TMEM230: variants seen among roughly 807,000 people sequenced by gnomAD.
TMEM230 encodes UPF0414 transmembrane protein C20orf30.
In TMEM230, 10 loss-of-function variants were observed where a neutral mutation model predicts 15.8. The observed-to-expected ratio is 0.63, with a 90% CI of 0.39 to 1.07. The LOEUF (loss-of-function observed/expected upper bound fraction) is 1.07. TMEM230 is among the 50% of genes least tolerant of loss of function. The probability of loss-of-function intolerance (pLI) is 0.01; values close to 1 mark genes in which losing one functional copy is unlikely to be tolerated. For synonymous variants in TMEM230, 67 were observed against 76.9 expected (o/e 0.87, Z 0.68); for missense variants, 165 against 193.3 (o/e 0.85, Z 0.87).
chr20:5,092,715 CAAAAAAAAA>C lies in TMEM230; in HGVS notation c.222+13464_222+13472del, dbSNP rs749828640. ...GGGCAACAAGAGCAAAACTCCGTCT[CAAAAAAAAA>C]AAAAAAAAGAGAGAGAGAGAGAATG... On this transcript the variant is annotated intron_variant, in intron 3 of 3. Coordinates refer to the TMEM230 transcript ENST00000612323. Among the ~76,000 whole-genome samples, 177 of 53,072 alleles carry C rather than the reference CAAAAAAAAA, an allele frequency of 3.3e-3. 1 individual carries two copies. The highest frequency in any genetic ancestry group is 5.4e-3 in the Non-Finnish European group (141 of 25,890). The allele number at this position is 53,072 out of a possible 152,430, so 34.8% of individuals were successfully genotyped here.
chr20:5,086,985 C>T (rs942801207), intron 3 of TMEM230, among the ~76,000 whole-genome samples: 7 of 152,100 alleles, frequency 4.6e-5, no homozygotes, highest in Admixed American at 1.3e-4. Context: ...GCAATCATCC[C>T]GCCTCAGCCT....
intron 3 of TMEM230, among the ~76,000 whole-genome samples, chr20:5,083,354 T>C (rs1175045262): frequency 3.4e-5 from 5 of 149,142 alleles, no homozygotes; most frequent in Non-Finnish European, 5.9e-5. Flanking sequence ...AAAACAGTTC[T>C]CTCTCTCTAT....
downstream of TMEM230, among the ~76,000 whole-genome samples, chr20:5,098,207 T>G (rs866165583): frequency 6.6e-6 from 1 of 151,754 alleles, no homozygotes; most frequent in Non-Finnish European, 1.5e-5. Flanking sequence ...ACTCCCAAAC[T>G]CAGGTGATCC....
rs752029361 is a variant in TMEM230, at chr20:5,104,279, C to T, written c.411+1909G>A. Among the ~76,000 whole-genome samples, 7 of 152,166 alleles carry T rather than the reference C, an allele frequency of 4.6e-5. No homozygotes were observed. The East Asian group carries it at 1.2e-3, about 25-fold the overall frequency. ...CTCGCTATGTTGCGCAGGCTGGTCT[C>T]GAACTCCTGGGCTCAAGTGATCCTC... is the stretch of plus-strand genomic sequence containing the variant. On this transcript the variant is annotated intron_variant, in intron 4 of 4. Transcript: ENST00000342308.
At chr20:5,085,561 T>C (rs954324736) in intron 3 of TMEM230, among the ~76,000 whole-genome samples, 17 of 152,162 alleles carry the variant, frequency 1.1e-4, no homozygotes, top group African/African-American at 3.1e-4. Flanking sequence ...AGTGCTGAGA[T>C]TACAGTGAGC....
At chr20:5,109,595 T>C in intron 2 of TMEM230, 150 bp from the exon 2 acceptor site, 1 of 652,398 alleles carries the variant, frequency 1.5e-6, no homozygotes, top group South Asian at 1.7e-5. Context: ...CACTGCTAAA[T>C]TTTCATTGTG....
In TMEM230 at chr20:5,100,926, T is replaced by G; in HGVS notation, c.417A>C (p.Ala139=). 1.2e-6 allele frequency: 2 copies of G among 1,614,062 alleles called. No homozygotes were observed. The highest frequency in any genetic ancestry group is 1.7e-6 in the Non-Finnish European group (2 of 1,179,966). The stretch of plus-strand genomic sequence containing the variant: ...TGATCAGCACTGGAACGGCCCGGTC[T>G]GCCCCCTGGTGGCAGAAGGAGGCAA... The change falls in exon 5 of 5, where the codon GCA becomes GCC. Residue 139 remains alanine, a synonymous_variant. Coordinates refer to ENST00000342308, the MANE Select transcript of TMEM230 (RefSeq NM_001009923.2).
At chr20:5,064,641 G>C (rs370137029), downstream of TMEM230, among the ~76,000 whole-genome samples, 45 of 152,104 alleles carry the variant, frequency 3.0e-4, no homozygotes, top group South Asian at 8.9e-3. Flanking sequence ...CAAGTGAATA[G>C]CAAAATAAGT....
At chr20:5,074,005 T>C (rs1035197871) in intron 3 of TMEM230, among the ~76,000 whole-genome samples, 5 of 152,094 alleles carry the variant, frequency 3.3e-5, no homozygotes. Flanking sequence ...GCATGTCACA[T>C]GGTGGGAACA....
chr20:5,112,589 G>C (rs2090370433), intron 1 of TMEM230: 1 of 782,844 alleles, frequency 1.3e-6, no homozygotes, highest in Non-Finnish European at 1.7e-6. Flanking sequence ...CATTTTCAAA[G>C]TATCAGTCTT....
chr20:5,094,657 A>T lies in TMEM230; in HGVS notation c.222+11531T>A, dbSNP rs559440114. On this transcript the variant is annotated intron_variant, in intron 3 of 3. Coordinates refer to the TMEM230 transcript ENST00000612323. Reference sequence around the variant, plus strand: ...GTGAGGCAGAGGTTGCAGTGAGCTGAGATCCCGCCACGGCACTCCAGCCTG... The same window carrying T: ...GTGAGGCAGAGGTTGCAGTGAGCTGTGATCCCGCCACGGCACTCCAGCCTG... Among the ~76,000 whole-genome samples, 7 of 131,728 alleles carry T rather than the reference A, an allele frequency of 5.3e-5. No individual in the cohort carries two copies. The South Asian group carries it at 1.9e-3, about 36-fold the overall frequency. 86.4% of individuals were successfully genotyped at this position (131,728 alleles called of 152,430 possible). A position where few individuals can be genotyped will look rare whatever the true frequency, so the allele number is the denominator to read the frequency against.
At chr20:5,070,526 G>A (rs2088789655) in intron 3 of TMEM230, among the ~76,000 whole-genome samples, 3 of 152,284 alleles carry the variant, frequency 2.0e-5, no homozygotes, top group South Asian at 2.1e-4. Context: ...CTTGATCACC[G>A]AGGAGTCTTA....
chr20:5,092,103 C>T (rs1168386865), intron 3 of TMEM230, among the ~76,000 whole-genome samples: 1 of 152,142 alleles, frequency 6.6e-6, no homozygotes, highest in African/African-American at 2.4e-5. Context: ...CCTTTGTTTT[C>T]CTAGATTGCA....
chr20:5,083,147 C>T (rs990457944), intron 3 of TMEM230, among the ~76,000 whole-genome samples: 2 of 151,810 alleles, frequency 1.3e-5, no homozygotes, highest in Admixed American at 6.6e-5. Context: ...ATGCTGGTCT[C>T]GAACTCCTGA....
chr20:5,087,976 A>G (rs1253486907), intron 3 of TMEM230, among the ~76,000 whole-genome samples: 1 of 139,344 alleles, frequency 7.2e-6, no homozygotes, highest in Non-Finnish European at 1.5e-5. Flanking sequence ...TACGGGCATG[A>G]GCCACCACAC....
intron 3 of TMEM230, among the ~76,000 whole-genome samples, chr20:5,093,537 GATTTATTT>G (rs2089572868): frequency 7.0e-6 from 1 of 141,884 alleles, no homozygotes; most frequent in African/African-American, 2.7e-5. Flanking sequence ...CACTGCGCCT[GATTTATTT>G]ATTTATTTAG....
rs1470276790 is a variant in TMEM230 at position 5,106,206 on chromosome 20, T to G, written c.393A>C (p.Ser131=). The stretch of plus-strand genomic sequence containing the variant: ...AGCTTACCCCTTTGCTGATGTAGCC[T>G]GACAGCAGGAGGGAGCCTATAATAA... Residue 131 remains serine, a synonymous_variant, in exon 4 of 5, where the codon TCA becomes TCC. Transcript: ENST00000342308. 1 of 1,611,788 alleles carries G rather than the reference T, an allele frequency of 6.2e-7. No individual in the cohort carries two copies. The highest frequency in any genetic ancestry group is 1.3e-5 in the African/African-American group (1 of 74,710).
chr20:5,088,018 A>AT (rs1160470543), intron 3 of TMEM230, among the ~76,000 whole-genome samples: 15 of 149,262 alleles, frequency 1.0e-4, no homozygotes, highest in African/African-American at 3.4e-4. Flanking sequence ...AAAAAAAAAA[A>AT]AGTTTCAAGG....
chr20:5,097,731 G>A (rs911108), downstream of TMEM230, among the ~76,000 whole-genome samples: 71,623 of 151,632 alleles, frequency 0.47, 18,279 homozygotes, highest in East Asian at 0.84. Context: ...CACCTCCCGG[G>A]TTCAAGTGAT....
Sources: gnomAD v4.1 joint callset for allele counts (sites outside exome capture counted in the v4.1 genomes callset) on GRCh38, gnomAD v4.1.1 for gene constraint, MANE v1.5 for transcripts, NCBI Gene and HGNC (gene_info 2026-07-23, HGNC 2026-07-21) for gene names.